TULP4: variants seen among roughly 807,000 people sequenced by gnomAD.
TULP4 encodes the protein tubby-related protein 4.
In TULP4, 16 loss-of-function variants were observed where a neutral mutation model predicts 129.0. The observed-to-expected ratio is 0.12, with a 90% CI of 0.08 to 0.19. The LOEUF (loss-of-function observed/expected upper bound fraction) is 0.19. Among genes scored for constraint, TULP4 ranks in the 10% least tolerant of loss-of-function variants. TULP4 has a pLI of 1.00. For synonymous variants in TULP4, 998 were observed against 854.0 expected (o/e 1.17, Z -2.94); for missense variants, 1,842 against 2,059.1 (o/e 0.89, Z 2.04).
intron 6 of TULP4, among the ~76,000 whole-genome samples, chr6:158,479,036 C>T (rs1285481416): frequency 6.6e-6 from 1 of 152,118 alleles, no homozygotes; most frequent in African/African-American, 2.4e-5. Context: ...CCATCACCTC[C>T]TGTAATCCTC....
chr6:158,303,670 T>C (rs1282259068), intron 1 of TULP4, among the ~76,000 whole-genome samples: 1 of 152,232 alleles, frequency 6.6e-6, no homozygotes, highest in Non-Finnish European at 1.5e-5. Context: ...ACTTTGTATG[T>C]GAATACCTTA....
intron 1 of TULP4, among the ~76,000 whole-genome samples, chr6:158,235,893 C>A (rs983246202): frequency 1.3e-5 from 2 of 152,134 alleles, no homozygotes; most frequent in Non-Finnish European, 2.9e-5. Flanking sequence ...AAAACAAATT[C>A]GTTATTGTTT....
At chr6:158,475,601 C>T (rs1779799791) in intron 6 of TULP4, among the ~76,000 whole-genome samples, 1 of 152,216 alleles carries the variant, frequency 6.6e-6, no homozygotes. Context: ...TGCTGCGGCT[C>T]AGCCTAGTAG....
chr6:158,411,444 T>TCAC (rs1436109216), intron 1 of TULP4, among the ~76,000 whole-genome samples: 4 of 152,306 alleles, frequency 2.6e-5, no homozygotes, highest in Admixed American at 2.0e-4. Context: ...CTGGGAGTTC[T>TCAC]CAGTGTCCAC....
chr6:158,491,440 TC>T (rs759016725), intron 9 of TULP4, among the ~76,000 whole-genome samples: 3,956 of 18,854 alleles, frequency 0.21, 115 homozygotes, highest in South Asian at 0.31. Context: ...TTTCTTTCTT[TC>T]TTTTCTTTCT....
At chr6:158,506,506 C>T in intron 13 of TULP4, 72 bp from the exon 14 acceptor site, 1 of 997,640 alleles carries the variant, frequency 1.0e-6, no homozygotes, top group South Asian at 1.3e-5. Flanking sequence ...GCTGGGACTA[C>T]AGGCGTGAGC....
chr6:158,241,884 C>G (rs1777925140), intron 1 of TULP4: 4 of 722,230 alleles, frequency 5.5e-6, no homozygotes, highest in Non-Finnish European at 1.0e-5. Context: ...TGAGCCACCG[C>G]GCCAGGCCAG....
At chr6:158,323,889 G>A (rs1029708548) in intron 1 of TULP4, among the ~76,000 whole-genome samples, 1 of 152,138 alleles carries the variant, frequency 6.6e-6, no homozygotes, top group African/African-American at 2.4e-5. Flanking sequence ...TAGTATATAC[G>A]TAGGATCTTT....
intron 9 of TULP4, 109 bp downstream of exon 9, chr6:158,489,841 T>C: frequency 7.7e-7 from 1 of 1,306,008 alleles, no homozygotes; most frequent in Non-Finnish European, 1.0e-6. Context: ...AAGAGCAACC[T>C]CCCTGCCTTT....
chr6:158,356,936 A>AT (rs969648993), intron 1 of TULP4, among the ~76,000 whole-genome samples: 4 of 151,976 alleles, frequency 2.6e-5, no homozygotes, highest in Non-Finnish European at 5.9e-5. Context: ...TTTTCTGGTA[A>AT]TTTTCCCCAG....
At chr6:158,447,284 T>A (rs1779072564) in intron 3 of TULP4, among the ~76,000 whole-genome samples, 1 of 152,164 alleles carries the variant, frequency 6.6e-6, no homozygotes, top group Non-Finnish European at 1.5e-5. Flanking sequence ...TATCAGATAG[T>A]AATTTTTTTT....
intron 11 of TULP4, among the ~76,000 whole-genome samples, chr6:158,497,449 T>G (rs907087338): frequency 3.3e-5 from 5 of 152,224 alleles, no homozygotes; most frequent in Admixed American, 2.0e-4. Flanking sequence ...CACAGTAGAT[T>G]CTACAAAATT....
intron 8 of TULP4, among the ~76,000 whole-genome samples, chr6:158,487,867 C>T (rs1231607256): frequency 6.6e-6 from 1 of 152,234 alleles, no homozygotes; most frequent in African/African-American, 2.4e-5. Context: ...AAGTATTTAT[C>T]AAGTCTCAGG....
chr6:158,262,360 G>A (rs1778368385), intron 1 of TULP4, among the ~76,000 whole-genome samples: 1 of 152,158 alleles, frequency 6.6e-6, no homozygotes, highest in Non-Finnish European at 1.5e-5. Flanking sequence ...TTAGGTTCAA[G>A]TAACTGGTAA....
At chr6:158,417,905 C>G (rs1215873487) in intron 2 of TULP4, among the ~76,000 whole-genome samples, 1 of 151,930 alleles carries the variant, frequency 6.6e-6, no homozygotes, top group Non-Finnish European at 1.5e-5. Flanking sequence ...TATTAGTCAC[C>G]AGGGGCGGCT....
At chr6:158,332,178 AAAAAAAAAAAAAAAAAAAAAAAATATAT>A (rs1252870429) in intron 1 of TULP4, among the ~76,000 whole-genome samples, 857 of 62,998 alleles carry the variant, frequency 0.014, 22 homozygotes, top group African/African-American at 0.055. Context: ...TCAAAAAAAA[AAAAAAAAAAAAAAAAAAAAAAAATATAT>A]ATATATATAT....
intron 1 of TULP4, among the ~76,000 whole-genome samples, chr6:158,277,042 TG>T (rs1405130254): frequency 1.3e-5 from 2 of 152,110 alleles, no homozygotes; most frequent in East Asian, 1.9e-4. Flanking sequence ...CAGGCTCAGG[TG>T]GTCCTCCCAC....
At chr6:158,485,118 A>G (rs1780035855) in intron 8 of TULP4, among the ~76,000 whole-genome samples, 1 of 152,204 alleles carries the variant, frequency 6.6e-6, no homozygotes, top group Non-Finnish European at 1.5e-5. Flanking sequence ...GCAGCAAAGG[A>G]TTTGAGTAAA....
intron 1 of TULP4, among the ~76,000 whole-genome samples, chr6:158,384,991 A>T (rs910893381): frequency 6.6e-6 from 1 of 152,214 alleles, no homozygotes; most frequent in African/African-American, 2.4e-5. Flanking sequence ...TCCCAATCCC[A>T]AAGTCGGGCT....
Sources: allele counts gnomAD v4.1 joint callset (sites outside exome capture counted in the v4.1 genomes callset), GRCh38; gene constraint gnomAD v4.1.1; transcripts MANE v1.5; gene names NCBI Gene and HGNC (gene_info 2026-07-23, HGNC 2026-07-21).